EVL: variants seen among roughly 807,000 people sequenced by gnomAD.
EVL encodes ena/VASP-like protein.
In EVL, 21 loss-of-function variants were observed where a neutral mutation model predicts 59.6. That is an observed-to-expected ratio of 0.35 (90% CI 0.25 to 0.51). The LOEUF is 0.51. Ranked by LOEUF, EVL falls within the 20% of genes least tolerant of loss-of-function variation. The pLI, the probability that EVL is intolerant of heterozygous loss-of-function variation, is 0.97. For missense variants in EVL, 462 were observed against 546.6 expected, an observed-to-expected ratio of 0.85 and a Z score of 1.54; for synonymous variants, 198 against 203.5, an observed-to-expected ratio of 0.97 and a Z score of 0.23.
chr14:100,130,111 T>C lies in EVL; in HGVS notation c.839+427T>C, dbSNP rs1032846685. Among the ~76,000 whole-genome samples the C allele has an allele frequency of 1.3e-5, 2 of 152,194 alleles. No homozygotes were observed. The highest frequency in any genetic ancestry group is 4.8e-5 in the African/African-American group (2 of 41,440). Reference sequence around the variant, plus strand: ...AGGCACCCCATTCTCCAGGGTTCTTTATGGAGGACTCAGGAGAAGGAGTTA... The same window carrying C: ...AGGCACCCCATTCTCCAGGGTTCTTCATGGAGGACTCAGGAGAAGGAGTTA... On this transcript the variant is annotated intron_variant, in intron 7 of 13. Transcript: ENST00000392920. This position sits in a 1 kb window ranked among gnomAD's most constrained non-coding sequence, Gnocchi z 4.8.
intron 1 of EVL, among the ~76,000 whole-genome samples, chr14:99,973,776 TAGAA>T (rs1193378669): frequency 2.6e-5 from 4 of 152,222 alleles, no homozygotes; most frequent in Non-Finnish European, 4.4e-5. Context: ...TGTAAAATAT[TAGAA>T]AGCTTACATG....
chr14:100,022,562 G>GA (rs2061144514), intron 1 of EVL, among the ~76,000 whole-genome samples: 1 of 152,138 alleles, frequency 6.6e-6, no homozygotes, highest in African/African-American at 2.4e-5. Flanking sequence ...TTACAGGCGT[G>GA]AGCCACCACA....
chr14:100,090,518 A>G (rs2062542247), intron 2 of EVL, among the ~76,000 whole-genome samples: 1 of 152,260 alleles, frequency 6.6e-6, no homozygotes, highest in Admixed American at 6.5e-5. Context: ...ATTACAAGTT[A>G]TTATTTCTAA....
chr14:99,980,439 G>A (rs1352637381), intron 1 of EVL, among the ~76,000 whole-genome samples: 14 of 152,182 alleles, frequency 9.2e-5, no homozygotes, highest in Non-Finnish European at 1.9e-4. Flanking sequence ...GGCCAGCCTT[G>A]TACATGTGAG....
upstream of EVL, chr14:100,065,294 T>C (rs2140269539): frequency 2.9e-6 from 1 of 350,646 alleles, no homozygotes; most frequent in Non-Finnish European, 4.8e-6. Context: ...GCTTCTTGTT[T>C]CTCTATTTTC....
chr14:100,019,554 G>A (rs1364976412), intron 1 of EVL: 2 of 935,580 alleles, frequency 2.1e-6, no homozygotes, highest in Admixed American at 5.8e-5. Flanking sequence ...TGGGGGGTGT[G>A]GAAACCCCGC....
chr14:99,971,934 C>T (rs1369816013), exon 1 of EVL: 1 of 147,056 alleles, frequency 6.8e-6, no homozygotes, highest in Non-Finnish European at 1.5e-5. Flanking sequence ...CCCAGTCAGA[C>T]GCGGAGCCGC....
intron 1 of EVL, among the ~76,000 whole-genome samples, chr14:99,976,168 C>A (rs1315549270): frequency 6.6e-6 from 1 of 151,568 alleles, no homozygotes; most frequent in East Asian, 1.9e-4. Context: ...GGCACACGCC[C>A]CCATGGCCAG....
chr14:100,104,061 G>A (rs1241120264), intron 3 of EVL, among the ~76,000 whole-genome samples: 1 of 152,176 alleles, frequency 6.6e-6, no homozygotes, highest in Non-Finnish European at 1.5e-5. Context: ...GTTGTTCTGA[G>A]GACTAACTGT....
rs189441876 is a variant in EVL at position 100,068,399 on chromosome 14, G to T, written c.11+2888G>T. On this transcript the variant is annotated intron_variant, in intron 1 of 13. Coordinates refer to ENST00000392920, the MANE Select transcript of EVL (RefSeq NM_016337.3). ...CTGCGAGCTGTGCTGAATTTAGCGC[G>T]TATGTCAGAATTTAGTTAGGGGAAG... 2.2e-3 allele frequency among the ~76,000 whole-genome samples: 331 copies of T among 152,328 alleles called. 1 individual carries two copies. Among genetic ancestry groups the T allele is most frequent in the African/African-American group, 7.7e-3 (322 of 41,560 alleles).
chr14:100,060,370 G>C (rs2061805037), intron 1 of EVL, among the ~76,000 whole-genome samples: 1 of 149,784 alleles, frequency 6.7e-6, no homozygotes, highest in African/African-American at 2.5e-5. Flanking sequence ...GGCGGAGCTT[G>C]CAGTGAGCCG....
chr14:99,997,527 G>C, intron 1 of EVL, among the ~76,000 whole-genome samples: 1 of 152,212 alleles, frequency 6.6e-6, no homozygotes, highest in Non-Finnish European at 1.5e-5. Context: ...GAAAAGATTA[G>C]GACAAGAAAG....
At chr14:100,020,676 A>G (rs191345680) in intron 1 of EVL, among the ~76,000 whole-genome samples, 6 of 152,268 alleles carry the variant, frequency 3.9e-5, no homozygotes, top group Admixed American at 3.9e-4. Context: ...GAGAATAACC[A>G]CCTTTCATTC....
chr14:100,068,937 C>T (rs1022259963), intron 1 of EVL, among the ~76,000 whole-genome samples: 3 of 152,126 alleles, frequency 2.0e-5, no homozygotes, highest in African/African-American at 4.8e-5. Context: ...CAGTTAATTT[C>T]GTTTCCTTCC....
chr14:100,133,039 CACCGCAG>C (rs1268741368), intron 8 of EVL, among the ~76,000 whole-genome samples: 1 of 152,258 alleles, frequency 6.6e-6, no homozygotes, highest in Non-Finnish European at 1.5e-5. Flanking sequence ...CTGGCCGCTG[CACCGCAG>C]GGCTACCTCG....
At chr14:100,013,904 A>G (rs2061033485) in intron 1 of EVL, among the ~76,000 whole-genome samples, 1 of 152,242 alleles carries the variant, frequency 6.6e-6, no homozygotes. Flanking sequence ...ATGGTTACAT[A>G]GTAGATATTT....
intron 1 of EVL, among the ~76,000 whole-genome samples, chr14:100,051,459 T>C (rs1215309668): frequency 6.6e-6 from 1 of 152,220 alleles, no homozygotes; most frequent in Non-Finnish European, 1.5e-5. Flanking sequence ...TTTCTTAATC[T>C]CTTTTCCTTC....
intron 1 of EVL, among the ~76,000 whole-genome samples, chr14:100,084,052 C>CTCT (rs1555422318): frequency 3.7e-5 from 5 of 134,690 alleles, no homozygotes; most frequent in African/African-American, 1.1e-4. Flanking sequence ...CTCTCTCTCT[C>CTCT]TTTTTTTTTT....
In EVL at chr14:99,999,860, G is replaced by A. The variant is rs570315384; in HGVS notation, c.5+27803G>A. Reference sequence around the variant, plus strand: ...TCAACAGATGCCCTCAGGGCAAAAGGGGCTCTGTGCTCATTTGTCTTTTGG... The same window carrying A: ...TCAACAGATGCCCTCAGGGCAAAAGAGGCTCTGTGCTCATTTGTCTTTTGG... On this transcript the variant is annotated intron_variant, in intron 1 of 13. Coordinates refer to the EVL transcript ENST00000402714. 4.6e-5 allele frequency among the ~76,000 whole-genome samples: 7 copies of A among 152,234 alleles called. 1 individual carries two copies. The South Asian group carries it at 1.5e-3, about 32-fold the overall frequency.
Sources: gnomAD v4.1 joint callset for allele counts (sites outside exome capture counted in the v4.1 genomes callset) on GRCh38, gnomAD v4.1.1 for gene constraint, Gnocchi (gnomAD v3.1) non-coding constraint, MANE v1.5 for transcripts, NCBI Gene and HGNC (gene_info 2026-07-23, HGNC 2026-07-21) for gene names.